Variants in WNK3 observed in about 807,000 individuals in gnomAD.
WNK3 encodes the protein serine/threonine-protein kinase WNK3.
Under a neutral mutation model 116.7 loss-of-function variants are expected in WNK3, and 18 were observed. The ratio of observed to expected loss-of-function variants is 0.15; its 90% CI spans 0.11 to 0.23. WNK3 has a LOEUF of 0.23. Among genes scored for constraint, WNK3 ranks in the 10% least tolerant of loss-of-function variants. WNK3 has a pLI of 1.00. For synonymous variants in WNK3, 404 were observed against 469.4 expected (o/e 0.86, Z 1.80); for missense variants, 993 against 1,323.8 (o/e 0.75, Z 3.88).
intron 6 of WNK3, among the ~76,000 whole-genome samples, chrX:54,300,377 C>T (rs904283166): frequency 1.8e-5 from 2 of 111,116 alleles, no homozygotes; most frequent in African/African-American, 3.3e-5. Flanking sequence ...CCAGACTGGT[C>T]GTGAACTCCT....
chrX:54,250,194 C>A, intron 15 of WNK3, 63 bp from the exon 16 acceptor site: 1 of 1,036,496 alleles, frequency 9.6e-7, no homozygotes. Context: ...ACCTTATTGA[C>A]TGAAGAAGCC....
chrX:54,358,204 C>A (rs4443793), upstream of WNK3, among the ~76,000 whole-genome samples: 1 of 110,076 alleles, frequency 9.1e-6, no homozygotes, highest in African/African-American at 3.3e-5. Flanking sequence ...TCCCGCCCCC[C>A]TCGGCGCCGC....
chrX:54,342,843 A>G (rs1344715892), intron 1 of WNK3, among the ~76,000 whole-genome samples: 10 of 107,106 alleles, frequency 9.3e-5, no homozygotes, highest in Non-Finnish European at 1.5e-4. Flanking sequence ...GGATTCAAAT[A>G]GCTTCCTTTT....
intron 10 of WNK3, among the ~76,000 whole-genome samples, chrX:54,263,741 C>G: frequency 9.0e-6 from 1 of 111,339 alleles, no homozygotes; most frequent in South Asian, 3.8e-4. Flanking sequence ...GCTGTATATA[C>G]CTGGTTAACA....
intron 10 of WNK3, among the ~76,000 whole-genome samples, chrX:54,285,582 T>C (rs781829214): frequency 4.5e-5 from 5 of 112,341 alleles, no homozygotes; most frequent in Non-Finnish European, 9.4e-5. Context: ...CAAATGTTTA[T>C]TGGAACACAG....
At chrX:54,331,395 T>C (rs2069170133) in intron 2 of WNK3, among the ~76,000 whole-genome samples, 2 of 110,089 alleles carry the variant, frequency 1.8e-5, no homozygotes, top group Admixed American at 2.0e-4. Context: ...TATATATATA[T>C]ATATACACAC....
intron 5 of WNK3, among the ~76,000 whole-genome samples, chrX:54,302,721 C>A (rs2068772519): frequency 3.1e-5 from 1 of 31,937 alleles, no homozygotes; most frequent in Non-Finnish European, 6.0e-5. Context: ...CTCTCTCTCT[C>A]TCTCTCTCTC....
chrX:54,232,889 C>T (rs201518613), exon 21 of WNK3: 9 of 1,209,285 alleles, frequency 7.4e-6, no homozygotes, highest in Middle Eastern at 2.3e-4. Context: ...TCTTGGTCGA[C>T]GTGGTGATGC....
intron 22 of WNK3, among the ~76,000 whole-genome samples, chrX:54,215,816 C>T (rs906936670): frequency 1.8e-5 from 2 of 111,426 alleles, no homozygotes; most frequent in Non-Finnish European, 3.8e-5. Flanking sequence ...GCCATGATGA[C>T]GATGGCGGTT....
At chrX:54,287,898 T>C (rs1206391611) in intron 10 of WNK3, among the ~76,000 whole-genome samples, 2 of 112,248 alleles carry the variant, frequency 1.8e-5, no homozygotes, top group African/African-American at 6.5e-5. Flanking sequence ...TGGAATTTCT[T>C]GGCCTTGTAA....
exon 18 of WNK3, chrX:54,239,047 G>C (rs782319888): frequency 2.5e-6 from 3 of 1,207,548 alleles, no homozygotes; most frequent in Non-Finnish European, 3.4e-6. Context: ...GCTTGACACA[G>C]CAGCAGGATA....
At chrX:54,283,541 G>A (rs782640352) in intron 10 of WNK3, among the ~76,000 whole-genome samples, 6 of 110,718 alleles carry the variant, frequency 5.4e-5, no homozygotes, top group Admixed American at 1.9e-4. Context: ...AGGCCGAGGC[G>A]GGTGGATCAC....
At chrX:54,205,552 G>A (rs1157444642) in intron 22 of WNK3, among the ~76,000 whole-genome samples, 1 of 111,320 alleles carries the variant, frequency 9.0e-6, no homozygotes. Flanking sequence ...TCCAGCCTGG[G>A]CGACAAAGCA....
rs56183922 is a variant in WNK3 at position 54,239,108 on chromosome X, G to GACAAAACAAA, written c.3652-19_3652-10dup. ...GCATCTGAGGACATCTCCTAATGGA[G>GACAAAACAAA]ACAAAACAAAACAAAACAAAACAAA... On this transcript the variant is annotated splice_polypyrimidine_tract_variant and intron_variant, in intron 17 of 23. Transcript: ENST00000354646. The GACAAAACAAA allele has an allele frequency of 0.021, 17,794 of 862,297 alleles. 349 individuals carry two copies. The highest frequency in any genetic ancestry group is 0.065 in the East Asian group (1,768 of 27,361). 71.1% of individuals were successfully genotyped at this position (862,297 alleles called of 1,213,427 possible). A position where few individuals can be genotyped will look rare whatever the true frequency, so the allele number is the denominator to read the frequency against.
At chrX:54,339,434 T>G (rs1437092518) in intron 1 of WNK3, among the ~76,000 whole-genome samples, 1 of 111,411 alleles carries the variant, frequency 9.0e-6, no homozygotes, top group Non-Finnish European at 1.9e-5. Context: ...AATCATATGC[T>G]ATGCAATAAA....
exon 10 of WNK3, chrX:54,292,997 G>C (rs1401186386): frequency 1.7e-6 from 2 of 1,208,690 alleles, no homozygotes; most frequent in Non-Finnish European, 1.1e-6. Flanking sequence ...TTGAACCAAA[G>C]GCAAAATCTG....
exon 24 of WNK3, chrX:54,196,132 T>G (rs2067440155): frequency 1.8e-5 from 2 of 111,641 alleles, no homozygotes; most frequent in South Asian, 7.6e-4. Flanking sequence ...AGGAGCATTG[T>G]TTTTATACAT....
At chrX:54,234,698 T>C (rs1272652453) in intron 20 of WNK3, among the ~76,000 whole-genome samples, 3 of 108,217 alleles carry the variant, frequency 2.8e-5, no homozygotes, top group African/African-American at 1.0e-4. Context: ...TGGTGGCGGG[T>C]GCCTATAGTC....
chrX:54,345,240 TCAACAACAA>T lies in WNK3; in HGVS notation c.-119-11457_-119-11449del, dbSNP rs78968161. Among the ~76,000 whole-genome samples the T allele has an allele frequency of 5.8e-4, 54 of 93,225 alleles. No homozygotes were observed. The South Asian group carries it at 0.015, about 26-fold the overall frequency. The allele number at this position is 93,225 out of a possible 115,157, so 81.0% of individuals were successfully genotyped here. On this transcript the variant is annotated intron_variant, in intron 1 of 23. Transcript: ENST00000354646. ...CTGGGGAACAAAGGGAGACTCTGTC[TCAACAACAA>T]CAACAACAACAACAACAACAACAAC...
Sources: gnomAD v4.1 joint callset for allele counts (sites outside exome capture counted in the v4.1 genomes callset) on GRCh38, gnomAD v4.1.1 for gene constraint, MANE v1.5 for transcripts, NCBI Gene and HGNC (gene_info 2026-07-23, HGNC 2026-07-21) for gene names.